OCM: variants seen among roughly 807,000 people sequenced by gnomAD.
The protein encoded by OCM is oncomodulin-1.
OCM carries 18 observed loss-of-function variants against 14.1 expected under a neutral mutation model. That is an observed-to-expected ratio of 1.28 (90% CI 0.88 to 1.89). The LOEUF (loss-of-function observed/expected upper bound fraction) is 1.89. OCM is among the 40% of genes most tolerant of loss of function. The pLI is 0.00. For synonymous variants in OCM, 48 were observed against 51.0 expected (o/e 0.94, Z 0.25); for missense variants, 140 against 137.6 (o/e 1.02, Z -0.09).
chr7:5,859,820 C>T, the OCM span, among the ~76,000 whole-genome samples: 1 of 152,008 alleles, frequency 6.6e-6, no homozygotes, highest in Non-Finnish European at 1.5e-5. Context: ...GCCTCAGCCT[C>T]GTGAGTAGCT....
rs150423135 is a variant in OCM, at chr7:5,885,248, C to T, written c.305-816C>T. Reference sequence around the variant, plus strand: ...CATACCTTGTTATTATTACTATTATCCTTCTTTTAGTAACAGAAACGTTTG... The same window carrying T: ...CATACCTTGTTATTATTACTATTATTCTTCTTTTAGTAACAGAAACGTTTG... On this transcript the variant is annotated intron_variant, in intron 3 of 3. Coordinates refer to ENST00000242104, the MANE Select transcript of OCM (RefSeq NM_001097622.2). Among the ~76,000 whole-genome samples the T allele has an allele frequency of 9.0e-4, 137 of 152,200 alleles. 1 individual carries two copies. The highest frequency in any genetic ancestry group is 1.6e-3 in the Non-Finnish European group (111 of 68,030).
At chr7:5,860,063 C>G in the OCM span, among the ~76,000 whole-genome samples, 3 of 151,942 alleles carry the variant, frequency 2.0e-5, no homozygotes, top group South Asian at 2.1e-4. Flanking sequence ...GGAGACCCCC[C>G]CCACAAAGAG....
the OCM span, among the ~76,000 whole-genome samples, chr7:5,867,007 G>A: frequency 1.3e-5 from 2 of 152,140 alleles, 1 homozygote; most frequent in Non-Finnish European, 2.9e-5. Flanking sequence ...AAGTAGACTT[G>A]TAGACTATCC....
At chr7:5,873,635 G>A in the OCM span, among the ~76,000 whole-genome samples, 7 of 152,038 alleles carry the variant, frequency 4.6e-5, no homozygotes, top group African/African-American at 7.2e-5. Context: ...ATGAGCCACC[G>A]AGTCCAGCCA....
chr7:5,882,077 C>G (rs1295449122), intron 1 of OCM, among the ~76,000 whole-genome samples: 3 of 92,542 alleles, frequency 3.2e-5, no homozygotes, highest in Non-Finnish European at 5.6e-5. Context: ...CAGAGTGAGA[C>G]TCTGTCTCAA....
the OCM span, among the ~76,000 whole-genome samples, chr7:5,864,604 C>T: frequency 6.6e-6 from 1 of 152,106 alleles, no homozygotes; most frequent in East Asian, 1.9e-4. Context: ...ACGGCATCCT[C>T]AAAGACCACA....
the OCM span, among the ~76,000 whole-genome samples, chr7:5,869,382 G>C: frequency 2.0e-5 from 3 of 152,058 alleles, no homozygotes; most frequent in Non-Finnish European, 4.4e-5. Flanking sequence ...TGGATCACTT[G>C]AGGTCAGGAG....
At chr7:5,882,116 AAAAG>A (rs1781230621) in intron 1 of OCM, among the ~76,000 whole-genome samples, 2 of 100,958 alleles carry the variant, frequency 2.0e-5, no homozygotes, top group African/African-American at 7.7e-5. Context: ...AAAAAAAAAA[AAAAG>A]CGCCAAAGGC....
chr7:5,868,677 TC>T, the OCM span, among the ~76,000 whole-genome samples: 1 of 152,318 alleles, frequency 6.6e-6, no homozygotes, highest in East Asian at 1.9e-4. Context: ...GCTTCTGTCT[TC>T]CTTTGAGGGT....
At chr7:5,861,613 G>A in the OCM span, among the ~76,000 whole-genome samples, 43 of 152,262 alleles carry the variant, frequency 2.8e-4, no homozygotes, top group East Asian at 5.6e-3. Context: ...AGAGGAAAGT[G>A]AGTTTAGCAG....
At chr7:5,868,226 A>C in the OCM span, among the ~76,000 whole-genome samples, 1 of 151,988 alleles carries the variant, frequency 6.6e-6, no homozygotes, top group Non-Finnish European at 1.5e-5. Context: ...AGCTCACTAC[A>C]ACCTCAACCA....
At chr7:5,877,636 T>C (rs1197724532), upstream of OCM, among the ~76,000 whole-genome samples, 1 of 151,434 alleles carries the variant, frequency 6.6e-6, no homozygotes, top group African/African-American at 2.4e-5. Context: ...CTGGCCAACA[T>C]GGTGAAACCC....
upstream of OCM, among the ~76,000 whole-genome samples, chr7:5,878,759 A>C (rs557199539): frequency 7.9e-5 from 12 of 151,784 alleles, no homozygotes; most frequent in Middle Eastern, 6.8e-3. Context: ...AAAAACAAAA[A>C]AAAAAAATGG....
Position 5,880,854 on chromosome 7 carries a change from A to G in OCM, c.-36A>G. 6.2e-7 allele frequency: 1 copy of G among 1,605,792 alleles called. No individual in the cohort carries two copies. The highest frequency in any genetic ancestry group is 8.5e-7 in the Non-Finnish European group (1 of 1,172,554). On this transcript the variant is annotated 5_prime_UTR_variant, in exon 1 of 4. Transcript: ENST00000242104. ...ATGTGCACATTCCTGTTTGTGGCTT[A>G]TCGCCTCTCATTTATTCTGTGTGAG... is the stretch of plus-strand genomic sequence containing the variant.
the OCM span, among the ~76,000 whole-genome samples, chr7:5,865,026 A>G: frequency 6.6e-6 from 1 of 152,124 alleles, no homozygotes; most frequent in African/African-American, 2.4e-5. Context: ...AGACCTGTGG[A>G]AGACAGCGGG....
chr7:5,875,104 G>C (rs112527861), upstream of OCM, among the ~76,000 whole-genome samples: 54 of 149,206 alleles, frequency 3.6e-4, 4 homozygotes, highest in African/African-American at 1.3e-3. Flanking sequence ...ATCCAGGCTG[G>C]AATGTAGTGG....
chr7:5,861,951 G>A, the OCM span, among the ~76,000 whole-genome samples: 1 of 152,066 alleles, frequency 6.6e-6, no homozygotes, highest in African/African-American at 2.4e-5. Context: ...TACAGTGGCT[G>A]TTCACAGGCA....
Position 5,886,100 on chromosome 7 carries a change from C to G in OCM, c.*11C>G, listed in dbSNP as rs1367479307. The G allele has an allele frequency of 9.9e-6, 16 of 1,611,874 alleles. No individual in the cohort carries two copies. Among genetic ancestry groups the G allele is most frequent in the Non-Finnish European group, 1.4e-5 (16 of 1,178,098 alleles). On this transcript the variant is annotated 3_prime_UTR_variant, in exon 4 of 4. Transcript: ENST00000242104. ...ATGGTGCATTCTTAAAAGCCCCAGTCTCTGGAGAAAAGAGAGAAAGGGATA... is the reference window on the plus strand; with the variant it reads ...ATGGTGCATTCTTAAAAGCCCCAGTGTCTGGAGAAAAGAGAGAAAGGGATA...
At chr7:5,875,237 A>C (rs1478189826), upstream of OCM, among the ~76,000 whole-genome samples, 6 of 151,732 alleles carry the variant, frequency 4.0e-5, no homozygotes, top group Non-Finnish European at 7.4e-5. Context: ...TTGTATTTTT[A>C]GTAGAGACAG....
Sources: allele counts gnomAD v4.1 joint callset (sites outside exome capture counted in the v4.1 genomes callset), GRCh38; gene constraint gnomAD v4.1.1; transcripts MANE v1.5; gene names NCBI Gene and HGNC (gene_info 2026-07-23, HGNC 2026-07-21).